Variants in TBCK observed in about 807,000 individuals in gnomAD.
TBCK encodes the protein TBC1 domain containing kinase.
Under a neutral mutation model 113.4 loss-of-function variants are expected in TBCK, and 99 were observed. The observed-to-expected ratio is 0.87, with a 90% CI of 0.74 to 1.03. TBCK has a LOEUF of 1.03. Among genes scored for constraint, TBCK ranks in the 50% least tolerant of loss-of-function variants. The pLI, the probability that TBCK is intolerant of heterozygous loss-of-function variation, is 0.00. For missense variants in TBCK, 1,045 were observed against 1,061.3 expected, an observed-to-expected ratio of 0.98 and a Z score of 0.21; for synonymous variants, 369 against 370.8, an observed-to-expected ratio of 1.00 and a Z score of 0.05.
At chr4:106,101,200 G>A (rs1377507035) in intron 24 of TBCK, among the ~76,000 whole-genome samples, 1 of 152,110 alleles carries the variant, frequency 6.6e-6, no homozygotes, top group Non-Finnish European at 1.5e-5. Context: ...GAGACTGTAT[G>A]GCACTCTAGG....
rs1431639948 is a variant in TBCK, at chr4:106,137,016, A to T, written c.2236-20638T>A. Among the ~76,000 whole-genome samples, 8 of 141,200 alleles carry T rather than the reference A, an allele frequency of 5.7e-5. No homozygotes were observed. The East Asian group carries it at 1.6e-3, about 29-fold the overall frequency. The allele number at this position is 141,200 out of a possible 152,430, so 92.6% of individuals were successfully genotyped here. ...AACATGGTTGATTAGAAAAAAAGATATTAACAGTGACAGATGGCAGATAAA... is the reference window on the plus strand; with the variant it reads ...AACATGGTTGATTAGAAAAAAAGATTTTAACAGTGACAGATGGCAGATAAA... On this transcript the variant is annotated intron_variant, in intron 23 of 25. Transcript: ENST00000394708.
At chr4:106,142,879 T>G (rs1402163139) in intron 23 of TBCK, among the ~76,000 whole-genome samples, 1 of 152,052 alleles carries the variant, frequency 6.6e-6, no homozygotes, top group Non-Finnish European at 1.5e-5. Context: ...TGCAAAGAAA[T>G]AAAAACTGTC....
At position 106,305,886 on chromosome 4, in the gene TBCK, C is replaced by T. The variant is rs368886432; in HGVS notation, c.193+2882G>A. 2.7e-4 allele frequency among the ~76,000 whole-genome samples: 41 copies of T among 152,310 alleles called. No individual in the cohort carries two copies. The East Asian group carries it at 2.7e-3, about 10-fold the overall frequency. ...GGCAACGTCAGGAAGTGACCTTATA[C>T]GGTCTGAAAAGGGGACGCATGAATA... On this transcript the variant is annotated intron_variant, in intron 2 of 25. Coordinates refer to ENST00000394708, the MANE Select transcript of TBCK (RefSeq NM_001163435.3).
At chr4:106,084,301 C>A (rs906534818) in intron 25 of TBCK, among the ~76,000 whole-genome samples, 1 of 152,078 alleles carries the variant, frequency 6.6e-6, no homozygotes, top group South Asian at 2.1e-4. Context: ...ACATGAGTAT[C>A]AACAGCCAAA....
In TBCK at chr4:106,043,259, T is replaced by C. The variant is rs1270314321; in HGVS notation, c.*3311A>G. On this transcript the variant is annotated 3_prime_UTR_variant, in exon 26 of 26. Transcript: ENST00000394708. Reference sequence around the variant, plus strand: ...GATTAAATTACCTTATTTTGGAAGTTATCTGCTCCAACTTCTAGAATTATC... The same window carrying C: ...GATTAAATTACCTTATTTTGGAAGTCATCTGCTCCAACTTCTAGAATTATC... The C allele has an allele frequency of 6.6e-6, 1 of 152,234 alleles. No individual in the cohort carries two copies. Among genetic ancestry groups the C allele is most frequent in the African/African-American group, 2.4e-5 (1 of 41,460 alleles). 9.4% of individuals were successfully genotyped at this position (152,234 alleles called of 1,614,324 possible).
At chr4:106,125,685 T>C (rs1745115268) in intron 23 of TBCK, among the ~76,000 whole-genome samples, 1 of 151,806 alleles carries the variant, frequency 6.6e-6, no homozygotes, top group African/African-American at 2.4e-5. Context: ...AGTAGAACAG[T>C]AGTTGCTGGG....
At chr4:106,276,663 T>A (rs1421849129) in intron 3 of TBCK, among the ~76,000 whole-genome samples, 1 of 152,036 alleles carries the variant, frequency 6.6e-6, no homozygotes, top group Non-Finnish European at 1.5e-5. Context: ...GAGGCTGAGG[T>A]GGGTTGATCA....
chr4:106,188,025 T>C (rs1031626879), intron 22 of TBCK, among the ~76,000 whole-genome samples: 4 of 152,206 alleles, frequency 2.6e-5, no homozygotes, highest in African/African-American at 9.6e-5. Flanking sequence ...TTCTTCCTAT[T>C]CGGATGCCTT....
intron 3 of TBCK, among the ~76,000 whole-genome samples, chr4:106,270,366 C>A (rs956506040): frequency 2.6e-5 from 4 of 152,074 alleles, no homozygotes; most frequent in African/African-American, 9.7e-5. Context: ...TTTTTCCTAT[C>A]CTTGCACAGA....
intron 25 of TBCK, among the ~76,000 whole-genome samples, chr4:106,081,999 C>A (rs1031103040): frequency 1.3e-5 from 2 of 152,130 alleles, no homozygotes; most frequent in Non-Finnish European, 2.9e-5. Context: ...TTATACACTG[C>A]TGGTGGAAAT....
rs1414017551 is a variant in TBCK at position 106,045,900 on chromosome 4, T to C, written c.*670A>G. 6.6e-6 allele frequency: 1 copy of C among 152,264 alleles called. No individual in the cohort carries two copies. Among genetic ancestry groups the C allele is most frequent in the Non-Finnish European group, 1.5e-5 (1 of 68,070 alleles). 9.4% of individuals were successfully genotyped at this position (152,264 alleles called of 1,614,324 possible). ...CCTGGACTGACTGTACAGACTTTCA[T>C]GTGATAAAGAAACTAGAAAATTTGT... On this transcript the variant is annotated 3_prime_UTR_variant, in exon 26 of 26. Coordinates refer to ENST00000394708, the MANE Select transcript of TBCK (RefSeq NM_001163435.3).
chr4:106,180,781 T>C (rs541125312), intron 22 of TBCK, among the ~76,000 whole-genome samples: 4 of 152,300 alleles, frequency 2.6e-5, no homozygotes, highest in African/African-American at 7.2e-5. Flanking sequence ...CAGTCTATCA[T>C]TGATGGACAT....
chr4:106,257,333 G>A (rs539194846), intron 5 of TBCK, among the ~76,000 whole-genome samples: 4 of 152,134 alleles, frequency 2.6e-5, no homozygotes, highest in South Asian at 2.1e-4. Flanking sequence ...ACAATGATAA[G>A]TATAATCAAA....
intron 3 of TBCK, among the ~76,000 whole-genome samples, chr4:106,289,631 T>G (rs1385180334): frequency 6.6e-6 from 1 of 151,454 alleles, no homozygotes. Context: ...TACCCAGGCA[T>G]GGTGGGCATG....
intron 21 of TBCK, 147 bp downstream of exon 21, chr4:106,194,571 C>A: frequency 1.8e-6 from 1 of 562,086 alleles, no homozygotes; most frequent in South Asian, 2.7e-5. Context: ...AACTGAAATT[C>A]TTTTCTACCT....
rs761206988 is a variant in TBCK, at chr4:106,105,908, G to A, written c.2412-10267C>T. ...TCCAACAAGAGTTCTTAATCATGCCGAACTGGCTGGAATGACAGAAACAGA... is the reference window on the plus strand; with the variant it reads ...TCCAACAAGAGTTCTTAATCATGCCAAACTGGCTGGAATGACAGAAACAGA... On this transcript the variant is annotated intron_variant, in intron 24 of 25. Transcript: ENST00000394708. 1.1e-4 allele frequency among the ~76,000 whole-genome samples: 16 copies of A among 152,180 alleles called. No individual in the cohort carries two copies. The East Asian group carries it at 1.2e-3, about 11-fold the overall frequency.
At chr4:106,280,156 G>A (rs1166919482) in intron 3 of TBCK, among the ~76,000 whole-genome samples, 9 of 152,094 alleles carry the variant, frequency 5.9e-5, no homozygotes. Flanking sequence ...TCTTAGTGTA[G>A]TTTTGATTTG....
At chr4:106,261,713 GA>G (rs1432222812) in intron 4 of TBCK, among the ~76,000 whole-genome samples, 22 of 151,806 alleles carry the variant, frequency 1.4e-4, no homozygotes, top group Non-Finnish European at 2.8e-4. Flanking sequence ...GAAAAATAGA[GA>G]AAACACAATG....
At chr4:106,147,350 A>G (rs920275989) in intron 23 of TBCK, among the ~76,000 whole-genome samples, 1 of 152,216 alleles carries the variant, frequency 6.6e-6, no homozygotes, top group African/African-American at 2.4e-5. Flanking sequence ...TACAAAATGT[A>G]TTTCTTAAAA....
Sources: gnomAD v4.1 joint callset for allele counts (sites outside exome capture counted in the v4.1 genomes callset) on GRCh38, gnomAD v4.1.1 for gene constraint, MANE v1.5 for transcripts, NCBI Gene and HGNC (gene_info 2026-07-23, HGNC 2026-07-21) for gene names.